Variants in ZNF517 observed in about 807,000 individuals in gnomAD.
The protein encoded by ZNF517 is zinc finger protein 517.
In ZNF517, 12 loss-of-function variants were observed where a neutral mutation model predicts 12.1. That is an observed-to-expected ratio of 0.99 (90% CI 0.63 to 1.61). ZNF517 has a LOEUF of 1.61. Among genes scored for constraint, ZNF517 ranks in the 40% most tolerant of loss-of-function variants. The pLI, the probability that ZNF517 is intolerant of heterozygous loss-of-function variation, is 0.00. For missense variants in ZNF517, 781 were observed against 693.2 expected, an observed-to-expected ratio of 1.13 and a Z score of -1.42; for synonymous variants, 388 against 310.2, an observed-to-expected ratio of 1.25 and a Z score of -2.63.
rs1827393139 is a variant in ZNF517, at chr8:144,808,290, G to A, written c.1374G>A (p.Gly458=). 4 of 1,554,618 alleles carry A rather than the reference G, an allele frequency of 2.6e-6. No homozygotes were observed. The highest frequency in any genetic ancestry group is 3.5e-6 in the Non-Finnish European group (4 of 1,148,306). ...GGCCATACCGGTGCCGCGCCTGCGG[G>A]AGGGCCTGCAGCCGGCTGTCCACCC... ...GERPYRCRAC[G]RACSRLSTLI... The change falls in exon 5 of 5, where the codon GGG becomes GGA. Residue 458 remains glycine (G), a synonymous_variant. Coordinates refer to ENST00000359971, the MANE Select transcript of ZNF517 (RefSeq NM_213605.3).
intron 3 of ZNF517, 142 bp downstream of exon 3, chr8:144,803,909 C>A: frequency 7.7e-7 from 1 of 1,304,416 alleles, no homozygotes; most frequent in East Asian, 2.4e-5. Context: ...TCTCTGCTTC[C>A]TGTTGGGCAC....
chr8:144,812,627 G>C (rs988076888), downstream of ZNF517, among the ~76,000 whole-genome samples: 1 of 152,252 alleles, frequency 6.6e-6, no homozygotes, highest in Admixed American at 6.5e-5. Context: ...GTCTCACCAG[G>C]AGACTCAGGC....
rs1478717283 is a variant in ZNF517 at position 144,803,787 on chromosome 8, G to A, written c.160+20G>A. The A allele has an allele frequency of 1.2e-6, 2 of 1,610,222 alleles. No homozygotes were observed. The highest frequency in any genetic ancestry group is 1.1e-5 in the South Asian group (1 of 90,920). ...CACTAGGTGAGGGCTTCTGCCTTTG[G>A]TCCTGGGGCCGGGAGGTGCGTCTGT... On this transcript the variant is annotated intron_variant, in intron 3 of 4. Coordinates refer to ENST00000359971, the MANE Select transcript of ZNF517 (RefSeq NM_213605.3).
At chr8:144,810,258 TGAAGA>T (rs1362291660), downstream of ZNF517, 7 of 643,440 alleles carry the variant, frequency 1.1e-5, no homozygotes, top group Non-Finnish European at 1.7e-5. Context: ...CCCTAACAGA[TGAAGA>T]GAAGGTGAGG....
At chr8:144,805,555 C>T (rs1827184109) in intron 4 of ZNF517, among the ~76,000 whole-genome samples, 1 of 151,880 alleles carries the variant, frequency 6.6e-6, no homozygotes, top group African/African-American at 2.4e-5. Context: ...TGGTCTCGAT[C>T]TCCTGACCTT....
chr8:144,801,485 A>G (rs1048480256), intron 1 of ZNF517, among the ~76,000 whole-genome samples: 4 of 152,008 alleles, frequency 2.6e-5, no homozygotes, highest in Admixed American at 2.6e-4. Flanking sequence ...CGCCTGGGCA[A>G]CAAGAGCGAG....
rs1827492234 is a variant in ZNF517 at position 144,809,869 on chromosome 8, T to C, written c.*1474T>C. ...GAGTTCAAGACCAGCCTGGCCAACA[T>C]GGTGAGACCCCCGTCTCTACTAAAA... On this transcript the variant is annotated 3_prime_UTR_variant, in exon 5 of 5. Transcript: ENST00000359971. The C allele has an allele frequency of 3.5e-6, 1 of 282,466 alleles. No individual in the cohort carries two copies. The highest frequency in any genetic ancestry group is 2.2e-5 in the African/African-American group (1 of 45,508). 17.5% of individuals were successfully genotyped at this position (282,466 alleles called of 1,614,324 possible). A position where few individuals can be genotyped will look rare whatever the true frequency, so the allele number is the denominator to read the frequency against.
intron 1 of ZNF517, among the ~76,000 whole-genome samples, chr8:144,799,681 C>T (rs1310496361): frequency 1.3e-5 from 2 of 152,222 alleles, no homozygotes; most frequent in South Asian, 4.1e-4. Flanking sequence ...TGGCTCACGC[C>T]TGTAATCCCA....
intron 4 of ZNF517, among the ~76,000 whole-genome samples, chr8:144,805,828 G>T (rs1377532795): frequency 6.7e-6 from 1 of 149,868 alleles, no homozygotes; most frequent in Non-Finnish European, 1.5e-5. Flanking sequence ...CACCATGTTA[G>T]CGAGGATGGT....
rs746643067 is a variant in ZNF517 at position 144,807,688 on chromosome 8, G to A, written c.772G>A (p.Glu258Lys). ...LAAHHRVHTR[E>K]RPYACGECGK... is the part of the protein sequence containing the mutation. ...TGCCCACCACCGCGTCCACACCCGC[G>A]AGCGGCCCTACGCATGCGGCGAGTG... is the stretch of plus-strand genomic sequence containing the variant. The change falls in exon 5 of 5, where the codon GAG (glutamate) becomes AAG (lysine). Residue 258 changes from glutamate to lysine, a missense_variant. Transcript: ENST00000359971. 5.0e-6 allele frequency: 8 copies of A among 1,610,500 alleles called. No homozygotes were observed. In the South Asian group the frequency reaches 7.7e-5, roughly 15 times the overall value.
rs1827452035 is a variant in ZNF517 at position 144,809,138 on chromosome 8, CCT to C, written c.*744_*745del. ...TCCAACCTGGTTGACAGAGTGACAC[CCT>C]GTTTAAAAAAAAAAAGCCTAGATGG... is the stretch of plus-strand genomic sequence containing the variant. On this transcript the variant is annotated 3_prime_UTR_variant, in exon 5 of 5. Transcript: ENST00000359971. 1 of 151,126 alleles carries C rather than the reference CCT, an allele frequency of 6.6e-6. No homozygotes were observed. The highest frequency in any genetic ancestry group is 1.5e-5 in the Non-Finnish European group (1 of 67,958). 9.4% of individuals were successfully genotyped at this position (151,126 alleles called of 1,614,324 possible).
In ZNF517 at chr8:144,808,312, A is replaced by G; in HGVS notation, c.1396A>G (p.Thr466Ala). Residue 466 changes from threonine to alanine, a missense_variant, in exon 5 of 5, where the codon ACC becomes GCC. Transcript: ENST00000359971. ...CGGGAGGGCCTGCAGCCGGCTGTCC[A>G]CCCTCATCCAGCACCAGAAGGTGCA... ...ACGRACSRLS[T>A]LIQHQKVHGR... 2.6e-6 allele frequency: 4 copies of G among 1,523,892 alleles called. No individual in the cohort carries two copies. The highest frequency in any genetic ancestry group is 3.5e-6 in the Non-Finnish European group (4 of 1,132,782). The allele number at this position is 1,523,892 out of a possible 1,614,324, so 94.4% of individuals were successfully genotyped here.
In ZNF517 at chr8:144,808,343, G is replaced by A; in HGVS notation, c.1427G>A (p.Arg476His). 4 of 1,482,122 alleles carry A rather than the reference G, an allele frequency of 2.7e-6. No homozygotes were observed. The South Asian group carries it at 4.1e-5, about 15-fold the overall frequency. 91.8% of individuals were successfully genotyped at this position (1,482,122 alleles called of 1,614,324 possible). The change falls in exon 5 of 5, where the codon CGC becomes CAC. Residue 476 changes from arginine to histidine, a missense_variant. By Grantham distance (29) the Arg-to-His change is conservative. Transcript: ENST00000359971. ...ATCCAGCACCAGAAGGTGCACGGCC[G>A]CGAGCCCGGGGAGGACACAGAGGGC... is the stretch of plus-strand genomic sequence containing the variant. ...TLIQHQKVHG[R>H]EPGEDTEGRR...
intron 3 of ZNF517, 129 bp from the exon 4 acceptor site, chr8:144,803,996 C>T: frequency 9.1e-7 from 1 of 1,099,682 alleles, no homozygotes; most frequent in South Asian, 1.6e-5. Flanking sequence ...CCTAGCTGCC[C>T]CCTTCTGGGA....
At position 144,808,062 on chromosome 8, in the gene ZNF517, G is replaced by A. The variant is rs775107503; in HGVS notation, c.1146G>A (p.Leu382=). The A allele has an allele frequency of 3.1e-6, 5 of 1,602,626 alleles. No homozygotes were observed. In the South Asian group the frequency reaches 4.5e-5, roughly 14 times the overall value. The change falls in exon 5 of 5, where the codon CTG becomes CTA. Residue 382 remains leucine, a synonymous_variant. Transcript: ENST00000359971. Reference sequence around the variant, plus strand: ...GGAGGCCGTTCCGACACAACTCCCTGCTGCTGCTGCACCTGCGCCTACACA... The same window carrying A: ...GGAGGCCGTTCCGACACAACTCCCTACTGCTGCTGCACCTGCGCCTACACA... The part of the protein sequence containing the change: ...VCGRPFRHNS[L]LLLHLRLHTG...
chr8:144,800,369 C>T (rs1002532816), intron 1 of ZNF517: 4 of 562,210 alleles, frequency 7.1e-6, no homozygotes, highest in African/African-American at 4.1e-5. Context: ...CCCCTCTAAC[C>T]AGGTAGCCCC....
At chr8:144,813,264 C>T (rs558560902), downstream of ZNF517, among the ~76,000 whole-genome samples, 3 of 145,466 alleles carry the variant, frequency 2.1e-5, no homozygotes, top group South Asian at 2.2e-4. Context: ...TGCAGTGAGC[C>T]GAGATGGCAC....
At position 144,808,372 on chromosome 8, in the gene ZNF517, C is replaced by T. The variant is rs1341380619; in HGVS notation, c.1456C>T (p.Arg486Trp). 4 of 1,458,152 alleles carry T rather than the reference C, an allele frequency of 2.7e-6. No individual in the cohort carries two copies. Among genetic ancestry groups the T allele is most frequent in the Admixed American group, 5.5e-5 (2 of 36,436 alleles). The allele number at this position is 1,458,152 out of a possible 1,614,324, so 90.3% of individuals were successfully genotyped here. Residue 486 changes from arginine to tryptophan, a missense_variant, in exon 5 of 5, where the codon CGG becomes TGG. Coordinates refer to ENST00000359971, the MANE Select transcript of ZNF517 (RefSeq NM_213605.3). ...REPGEDTEGR[R>W]APCWAS is the part of the protein sequence containing the mutation. ...GCCCGGGGAGGACACAGAGGGCAGG[C>T]GGGCGCCCTGTTGGGCTTCCTGATG... is the stretch of plus-strand genomic sequence containing the variant.
rs994342234 is a variant in ZNF517 at position 144,802,943 on chromosome 8, C to G, written c.29C>G (p.Pro10Arg). The G allele has an allele frequency of 6.2e-7, 1 of 1,613,978 alleles. No homozygotes were observed. Among genetic ancestry groups the G allele is most frequent in the Non-Finnish European group, 8.5e-7 (1 of 1,179,940 alleles). Residue 10 changes from proline to arginine, a missense_variant, in exon 2 of 5, where the codon CCT becomes CGT. Pro to Arg is a moderately radical substitution (Grantham distance 103). Transcript: ENST00000359971. ...GCGATGGCACTCCCGATGCCTGGAC[C>G]TCAGGTGAGCACCCCCTGAGCCCGT... is the stretch of plus-strand genomic sequence containing the variant. Reference protein sequence around the residue: MAMALPMPGPQEAVVFEDVA... With the variant: MAMALPMPGRQEAVVFEDVA...
Sources: allele counts gnomAD v4.1 joint callset (sites outside exome capture counted in the v4.1 genomes callset), GRCh38; gene constraint gnomAD v4.1.1; transcripts MANE v1.5; gene names NCBI Gene and HGNC (gene_info 2026-07-23, HGNC 2026-07-21).